The following NECAB2 variants were observed in gnomAD, a reference collection of about 807,000 sequenced individuals.
The protein encoded by NECAB2 is N-terminal EF-hand calcium binding protein 2, also known as N-terminal EF-hand calcium-binding protein 2.
Under a neutral mutation model 51.9 loss-of-function variants are expected in NECAB2, and 68 were observed. That is an observed-to-expected ratio of 1.31 (90% CI 1.08 to 1.60). The LOEUF is 1.60. Among genes scored for constraint, NECAB2 ranks in the 40% most tolerant of loss-of-function variants. The pLI is 0.00. For missense variants in NECAB2, 854 were observed against 490.3 expected, an observed-to-expected ratio of 1.74 and a Z score of -7.00; for synonymous variants, 329 against 203.5, an observed-to-expected ratio of 1.62 and a Z score of -5.25.
intron 2 of NECAB2, among the ~76,000 whole-genome samples, chr16:83,973,416 C>G (rs2084370191): frequency 6.6e-6 from 1 of 152,200 alleles, no homozygotes; most frequent in African/African-American, 2.4e-5. Context: ...GTCTCCCACC[C>G]TGGCCTCCTG....
At chr16:83,975,175 G>A (rs1814805) in intron 2 of NECAB2, among the ~76,000 whole-genome samples, 3,486 of 115,768 alleles carry the variant, frequency 0.03, 522 homozygotes, top group African/African-American at 0.16. Flanking sequence ...TGCAGGGATG[G>A]GAACAGGTGT....
rs1276932022 is a variant in NECAB2 at position 83,990,496 on chromosome 16, A to G, written c.462A>G (p.Val154=). 6.2e-7 allele frequency: 1 copy of G among 1,613,928 alleles called. No homozygotes were observed. Among genetic ancestry groups the G allele is most frequent in the Admixed American group, 1.7e-5 (1 of 60,018 alleles). Residue 154 remains valine, a splice_region_variant and synonymous_variant, in exon 6 of 13, where the codon GTA becomes GTG. Coordinates refer to ENST00000305202, the MANE Select transcript of NECAB2 (RefSeq NM_019065.3). ...TGCCTCTTCTCTTCCTTCCACAGGT[A>G]TATGAGGGTGGGAGCAACGTGGACC... ...VLKAMGYTKK[V]YEGGSNVDQF...
At chr16:83,967,370 G>C (rs186126099), upstream of NECAB2, among the ~76,000 whole-genome samples, 371 of 138,644 alleles carry the variant, frequency 2.7e-3, 2 homozygotes, top group African/African-American at 9.5e-3. Context: ...TGGGTGGATG[G>C]ATGGATGGGA....
At chr16:83,999,345 C>T (rs187502462) in intron 10 of NECAB2, among the ~76,000 whole-genome samples, 13 of 152,274 alleles carry the variant, frequency 8.5e-5, no homozygotes, top group East Asian at 3.9e-4. Context: ...TTTTCCATTA[C>T]GTGAATAAGT....
chr16:83,999,917 A>G (rs1263587112), intron 10 of NECAB2, among the ~76,000 whole-genome samples: 1 of 152,106 alleles, frequency 6.6e-6, no homozygotes, highest in Admixed American at 6.5e-5. Context: ...ATCTTGCTTT[A>G]TTGTCCAGGC....
In NECAB2 at chr16:83,994,408, A is replaced by T. The variant is rs1208788121; in HGVS notation, c.703A>T (p.Thr235Ser). 2 of 1,614,050 alleles carry T rather than the reference A, an allele frequency of 1.2e-6. No individual in the cohort carries two copies. Among genetic ancestry groups the T allele is most frequent in the East Asian group, 4.5e-5 (2 of 44,862 alleles). Residue 235 changes from threonine to serine, a missense_variant, in exon 7 of 13, where the codon ACC becomes TCC. Coordinates refer to ENST00000305202, the MANE Select transcript of NECAB2 (RefSeq NM_019065.3). ...GCTCATGGCTATGGAACAAGGCAAG[A>T]CCCTTCCATCTGGTGAGAGAAAGCG... ...HKLMAMEQGK[T>S]LPSATEDAKE... is the part of the protein sequence containing the mutation.
intron 10 of NECAB2, among the ~76,000 whole-genome samples, chr16:84,000,003 C>G (rs538518118): frequency 3.7e-4 from 57 of 152,044 alleles, no homozygotes; most frequent in African/African-American, 1.3e-3. Context: ...TCTCATGCCT[C>G]AGTGTCCTGC....
chr16:83,971,960 C>A lies in NECAB2; in HGVS notation c.202-191C>A, dbSNP rs557815881. 232 of 709,076 alleles carry A rather than the reference C, an allele frequency of 3.3e-4. No homozygotes were observed. The African/African-American group carries it at 3.7e-3, about 11-fold the overall frequency. 43.9% of individuals were successfully genotyped at this position (709,076 alleles called of 1,614,324 possible). A position where few individuals can be genotyped will look rare whatever the true frequency, so the allele number is the denominator to read the frequency against. ...TTCCACGTGGGTGAGGGGAGGGCCT[C>A]TGTCTGCAACATCCCTCATCAGTTC... On this transcript the variant is annotated intron_variant, in intron 1 of 12. Coordinates refer to ENST00000305202, the MANE Select transcript of NECAB2 (RefSeq NM_019065.3).
At chr16:83,969,016 G>A (rs111602756) in intron 1 of NECAB2, among the ~76,000 whole-genome samples, 167 bp downstream of exon 1, 8 of 148,734 alleles carry the variant, frequency 5.4e-5, no homozygotes, top group African/African-American at 1.7e-4. Context: ...GCCCCGCCAC[G>A]TCCAGGCCGG....
In NECAB2 at chr16:83,995,756, G is replaced by T. The variant is rs113999476; in HGVS notation, c.795+1068G>T. Reference sequence around the variant, plus strand: ...GGCTCCCCGCATGGAGGGAGACAGAGGCTGACGTGGAATGAAGTCCGAGGG... The same window carrying T: ...GGCTCCCCGCATGGAGGGAGACAGATGCTGACGTGGAATGAAGTCCGAGGG... On this transcript the variant is annotated intron_variant, in intron 8 of 12. Transcript: ENST00000305202. Among the ~76,000 whole-genome samples, 580 of 152,272 alleles carry T rather than the reference G, an allele frequency of 3.8e-3. 4 individuals are homozygous for T. Among genetic ancestry groups the T allele is most frequent in the African/African-American group, 0.014 (562 of 41,542 alleles).
chr16:83,974,397 A>G (rs1473173386), intron 2 of NECAB2, among the ~76,000 whole-genome samples: 1 of 152,144 alleles, frequency 6.6e-6, no homozygotes, highest in South Asian at 2.1e-4. Flanking sequence ...CATTGAAGAT[A>G]TCAATAAGTC....
chr16:83,970,676 C>G (rs2084338069), intron 1 of NECAB2, among the ~76,000 whole-genome samples: 1 of 152,160 alleles, frequency 6.6e-6, no homozygotes. Flanking sequence ...GCAGCCCTCC[C>G]TGGTGTCGGG....
upstream of NECAB2, chr16:83,965,316 C>T (rs201583830): frequency 1.3e-4 from 204 of 1,583,608 alleles, no homozygotes; most frequent in Non-Finnish European, 1.6e-4. Context: ...GCCACAGGCA[C>T]GTTCGACAGC....
intron 3 of NECAB2, among the ~76,000 whole-genome samples, chr16:83,979,633 A>C (rs1323705256): frequency 6.6e-6 from 1 of 151,080 alleles, no homozygotes; most frequent in Non-Finnish European, 1.5e-5. Context: ...GTGCCCATTG[A>C]TTTAGACCTT....
chr16:83,983,387 G>A (rs756803354), intron 5 of NECAB2, among the ~76,000 whole-genome samples: 2 of 152,138 alleles, frequency 1.3e-5, no homozygotes, highest in African/African-American at 2.4e-5. Flanking sequence ...GTGGGGCACG[G>A]CCAGGCATGC....
upstream of NECAB2, among the ~76,000 whole-genome samples, chr16:83,967,775 G>C (rs1157332426): frequency 7.0e-6 from 1 of 143,498 alleles, no homozygotes; most frequent in Non-Finnish European, 1.5e-5. Context: ...TGGATGGAGG[G>C]TGGATGGATG....
In NECAB2 at chr16:83,989,950, G is replaced by A. The variant is rs72793618; in HGVS notation, c.460-544G>A. ...CCTCCCTTCAGCTGCTTTTGATTCC[G>A]TTTTGTCATTTTCCTTAGTAGCAGC... On this transcript the variant is annotated intron_variant, in intron 5 of 12. Coordinates refer to ENST00000305202, the MANE Select transcript of NECAB2 (RefSeq NM_019065.3). 5.9e-3 allele frequency among the ~76,000 whole-genome samples: 900 copies of A among 152,166 alleles called. 3 individuals carry two copies. Among genetic ancestry groups the A allele is most frequent in the Middle Eastern group, 0.014 (4 of 292 alleles).
At chr16:83,998,430 A>C in intron 10 of NECAB2, 113 bp downstream of exon 10, 4 of 962,704 alleles carry the variant, frequency 4.2e-6, no homozygotes, top group Non-Finnish European at 6.2e-6. Context: ...CACCCCAGGG[A>C]CACACACAGC....
At chr16:83,983,996 GTT>G (rs552020138) in intron 5 of NECAB2, among the ~76,000 whole-genome samples, 20,468 of 124,878 alleles carry the variant, frequency 0.16, 2,575 homozygotes, top group African/African-American at 0.42. Context: ...ATATATGGTG[GTT>G]TTTTTTTTTT....
Sources: gnomAD v4.1 joint callset for allele counts (sites outside exome capture counted in the v4.1 genomes callset) on GRCh38, gnomAD v4.1.1 for gene constraint, MANE v1.5 for transcripts, NCBI Gene and HGNC (gene_info 2026-07-23, HGNC 2026-07-21) for gene names.